ZNRF3: variants seen among roughly 807,000 people sequenced by gnomAD.
ZNRF3 encodes the protein E3 ubiquitin-protein ligase ZNRF3.
ZNRF3 carries 23 observed loss-of-function variants against 72.5 expected under a neutral mutation model. The ratio of observed to expected loss-of-function variants is 0.32; its 90% CI spans 0.23 to 0.45. The LOEUF (loss-of-function observed/expected upper bound fraction) is 0.45, where lower values mean the gene tolerates loss of function less well. ZNRF3 is among the 20% of genes least tolerant of loss of function. The pLI is 1.00. For synonymous variants in ZNRF3, 610 were observed against 545.3 expected, an observed-to-expected ratio of 1.12 and a Z score of -1.65; for missense variants, 1,169 against 1,272.1, an observed-to-expected ratio of 0.92 and a Z score of 1.23.
intron 1 of ZNRF3, among the ~76,000 whole-genome samples, chr22:28,956,766 T>TG (rs978975620): frequency 7.9e-5 from 12 of 152,238 alleles, no homozygotes; most frequent in African/African-American, 2.9e-4. Context: ...TCTCTTGGTG[T>TG]GGCAGGGCTT....
rs185879799 is a variant in ZNRF3, at chr22:29,002,771, A to G, written c.426+15570A>G. Among the ~76,000 whole-genome samples the G allele has an allele frequency of 3.8e-4, 58 of 152,222 alleles. 1 individual carries two copies. In the East Asian group the frequency reaches 9.1e-3, roughly 24 times the overall value. ...ACCTTCTGTTGAATTCTACCTGTAA[A>G]CCACAGCCTGTCTGGAAGGTCTGAC... On this transcript the variant is annotated intron_variant, in intron 2 of 8. Coordinates refer to ENST00000544604, the MANE Select transcript of ZNRF3 (RefSeq NM_001206998.2).
At chr22:29,035,145 T>C (rs1256672217) in intron 2 of ZNRF3, among the ~76,000 whole-genome samples, 4 of 151,848 alleles carry the variant, frequency 2.6e-5, no homozygotes, top group South Asian at 2.1e-4. Flanking sequence ...CGCTCAGCCA[T>C]GTTAGGCTTT....
At chr22:28,934,291 T>C (rs2034778175) in intron 1 of ZNRF3, among the ~76,000 whole-genome samples, 1 of 152,180 alleles carries the variant, frequency 6.6e-6, no homozygotes, top group African/African-American at 2.4e-5. Context: ...GCCTCTTATT[T>C]ACTCTCAAAT....
intron 2 of ZNRF3, among the ~76,000 whole-genome samples, chr22:28,989,325 G>A (rs1278925150): frequency 1.3e-5 from 2 of 152,142 alleles, no homozygotes; most frequent in South Asian, 4.1e-4. Context: ...GCCAGTGTAG[G>A]AGGTGCGATG....
intron 2 of ZNRF3, among the ~76,000 whole-genome samples, chr22:29,040,545 A>C (rs1173016726): frequency 6.6e-6 from 1 of 151,758 alleles, no homozygotes; most frequent in Non-Finnish European, 1.5e-5. Flanking sequence ...AAAGCAATTG[A>C]GTGACTTGTC....
At chr22:29,038,874 C>A (rs1034921199) in intron 2 of ZNRF3, among the ~76,000 whole-genome samples, 1 of 152,006 alleles carries the variant, frequency 6.6e-6, no homozygotes, top group African/African-American at 2.4e-5. Context: ...GTATTTTTCT[C>A]AAACAAGGTA....
chr22:28,954,513 A>T (rs1291465682), intron 1 of ZNRF3, among the ~76,000 whole-genome samples: 1 of 152,244 alleles, frequency 6.6e-6, no homozygotes, highest in African/African-American at 2.4e-5. Context: ...GGGAGACCCA[A>T]TTCAGTCCAC....
intron 2 of ZNRF3, among the ~76,000 whole-genome samples, chr22:29,036,431 A>C (rs1014002711): frequency 1.3e-5 from 2 of 152,214 alleles, no homozygotes; most frequent in African/African-American, 4.8e-5. Flanking sequence ...ATTTGACTCT[A>C]AAGTGTCTTT....
chr22:28,955,767 A>G (rs1218626466), intron 1 of ZNRF3, among the ~76,000 whole-genome samples: 1 of 151,898 alleles, frequency 6.6e-6, no homozygotes, highest in East Asian at 1.9e-4. Context: ...AAAAAAAAAA[A>G]AAAGAGCCAG....
chr22:28,993,447 G>A (rs1215927332), intron 2 of ZNRF3, among the ~76,000 whole-genome samples: 1 of 152,186 alleles, frequency 6.6e-6, no homozygotes, highest in African/African-American at 2.4e-5. Flanking sequence ...GGGAAACCAA[G>A]GTACGAGAGG....
At chr22:28,917,836 C>T (rs1225750306) in intron 1 of ZNRF3, among the ~76,000 whole-genome samples, 3 of 152,224 alleles carry the variant, frequency 2.0e-5, no homozygotes, top group Non-Finnish European at 4.4e-5. Flanking sequence ...TAGAACACTG[C>T]AGAGGGCGTG....
chr22:28,992,496 C>G (rs1036232923), intron 2 of ZNRF3, among the ~76,000 whole-genome samples: 1 of 152,034 alleles, frequency 6.6e-6, no homozygotes, highest in East Asian at 1.9e-4. Flanking sequence ...CCCCCAGTCT[C>G]CCTGGGCATG....
At chr22:29,007,924 T>G (rs2036288015) in intron 2 of ZNRF3, among the ~76,000 whole-genome samples, 1 of 151,768 alleles carries the variant, frequency 6.6e-6, no homozygotes, top group Non-Finnish European at 1.5e-5. Flanking sequence ...GCCTGGCTAA[T>G]TTTGTATTTT....
At chr22:28,993,427 A>G (rs2035990343) in intron 2 of ZNRF3, among the ~76,000 whole-genome samples, 1 of 152,224 alleles carries the variant, frequency 6.6e-6, no homozygotes, top group African/African-American at 2.4e-5. Context: ...GGCTCTTCTG[A>G]TAAGCAGCGG....
rs2037173361 is a variant in ZNRF3 at position 29,050,278 on chromosome 22, G to A, written c.2097G>A (p.Arg699=). The A allele has an allele frequency of 1.3e-6, 2 of 1,597,676 alleles. No homozygotes were observed. Among genetic ancestry groups the A allele is most frequent in the Non-Finnish European group, 1.7e-6 (2 of 1,178,468 alleles). ...ASPGAAPDLR[R]TWKGGHELPS... is the part of the protein sequence containing the mutation. ...CTGGGGCCGCCCCTGACCTCAGGAG[G>A]ACCTGGAAGGGGGGCCACGAGTTGC... The change falls in exon 8 of 9, where the codon AGG becomes AGA. Residue 699 remains arginine (R), a synonymous_variant. Transcript: ENST00000544604.
At chr22:29,053,250 G>T (rs536433119) in intron 8 of ZNRF3, among the ~76,000 whole-genome samples, 1 of 152,156 alleles carries the variant, frequency 6.6e-6, no homozygotes, top group Admixed American at 6.5e-5. Flanking sequence ...TTGTCTCAAG[G>T]TTCGTAATCT....
intron 1 of ZNRF3, among the ~76,000 whole-genome samples, chr22:28,977,736 G>C (rs959959150): frequency 6.6e-6 from 1 of 152,146 alleles, no homozygotes; most frequent in Non-Finnish European, 1.5e-5. Flanking sequence ...AGAAGCAGGC[G>C]GCTCTTTTGA....
At chr22:28,963,589 CA>C (rs1197116583) in intron 1 of ZNRF3, among the ~76,000 whole-genome samples, 1 of 152,142 alleles carries the variant, frequency 6.6e-6, no homozygotes, top group East Asian at 1.9e-4. Context: ...GATCCTGGAG[CA>C]GGGGGAATGC....
In ZNRF3 at chr22:29,030,568, T is replaced by C. The variant is rs1269879132; in HGVS notation, c.427-11927T>C. On this transcript the variant is annotated intron_variant, in intron 2 of 8. Coordinates refer to ENST00000544604, the MANE Select transcript of ZNRF3 (RefSeq NM_001206998.2). The surrounding 1 kb of genome is among the most constrained non-coding windows in gnomAD (Gnocchi z 4.2). ...GCAGCCGACGGGAGCCTTTGGAGGC[T>C]TAATGACTTTAATTATGGCGAGAAA... Among the ~76,000 whole-genome samples, 1 of 152,186 alleles carries C rather than the reference T, an allele frequency of 6.6e-6. No individual in the cohort carries two copies. Among genetic ancestry groups the C allele is most frequent in the Non-Finnish European group, 1.5e-5 (1 of 68,044 alleles).
Sources: allele counts gnomAD v4.1 joint callset (sites outside exome capture counted in the v4.1 genomes callset), GRCh38; gene constraint gnomAD v4.1.1; non-coding constraint Gnocchi (gnomAD v3.1); transcripts MANE v1.5; gene names NCBI Gene and HGNC (gene_info 2026-07-23, HGNC 2026-07-21).